The following CD200R1 variants were observed in gnomAD, a reference collection of about 807,000 sequenced individuals.
CD200R1 encodes the protein cell surface glycoprotein CD200 receptor 1.
A neutral mutation model predicts 38.1 loss-of-function variants in CD200R1; 30 were observed. The ratio of observed to expected loss-of-function variants is 0.79; its 90% confidence interval spans 0.59 to 1.07. The LOEUF (loss-of-function observed/expected upper bound fraction) is 1.07, where lower values mean the gene tolerates loss of function less well. Among genes scored for constraint, CD200R1 ranks in the 50% least tolerant of loss-of-function variants. The pLI is 0.00. For missense variants in CD200R1, 372 were observed against 415.4 expected (o/e 0.90, Z 0.91); for synonymous variants, 128 against 152.1 (o/e 0.84, Z 1.16).
intron 1 of CD200R1, among the ~76,000 whole-genome samples, chr3:112,951,081 C>T (rs973278464): frequency 2.0e-4 from 31 of 151,932 alleles, no homozygotes; most frequent in African/African-American, 7.5e-4. Flanking sequence ...AAATCAAAAG[C>T]TAGTTCTTTA....
intron 1 of CD200R1, among the ~76,000 whole-genome samples, chr3:112,951,292 G>A (rs1940964718): frequency 6.6e-6 from 1 of 151,930 alleles, no homozygotes; most frequent in South Asian, 2.1e-4. Context: ...TGAAGACAAA[G>A]CTTTTGAAAC....
intron 1 of CD200R1, among the ~76,000 whole-genome samples, chr3:112,963,315 A>G (rs1447153493): frequency 6.6e-6 from 1 of 152,224 alleles, no homozygotes; most frequent in Non-Finnish European, 1.5e-5. Context: ...TAGAGGTTGG[A>G]ACAGTTTGGA....
At chr3:112,942,741 G>T (rs1021526753) in intron 2 of CD200R1, among the ~76,000 whole-genome samples, 25 of 150,054 alleles carry the variant, frequency 1.7e-4, no homozygotes, top group African/African-American at 2.7e-4. Flanking sequence ...AATCTAAAGA[G>T]ATATATATAT....
At position 112,925,179 on chromosome 3, in the gene CD200R1, T is replaced by C; in HGVS notation, c.784A>G (p.Lys262Glu). 2.5e-6 allele frequency: 4 copies of C among 1,574,404 alleles called. No homozygotes were observed. Among genetic ancestry groups the C allele is most frequent in the Non-Finnish European group, 3.5e-6 (4 of 1,145,888 alleles). The change falls in exon 6 of 8, where the codon AAA (lysine) becomes GAA (glutamate). Residue 262 changes from lysine (K) to glutamate (E), a missense_variant. Transcript: ENST00000308611. ...IELLPVPGAK[K>E]SAKLYIPYII... ...TATGGAATATATAATTTTGCTGATTTTTTGGCACCTGGAACTATAGACACA... is the reference window on the plus strand; with the variant it reads ...TATGGAATATATAATTTTGCTGATTCTTTGGCACCTGGAACTATAGACACA...
At position 112,975,063 on chromosome 3, in the gene CD200R1, GC is replaced by G; in HGVS notation, c.-207del. ...TGGTTAGTAACTTGGACGAACAGAA[GC>G]TTTTCTCTGGAACTTGACACAGCAA... On this transcript the variant is annotated 5_prime_UTR_variant, in exon 1 of 8. Coordinates refer to ENST00000308611, the MANE Select transcript of CD200R1 (RefSeq NM_138806.4). 1.8e-6 allele frequency: 1 copy of G among 554,640 alleles called. No homozygotes were observed. Among genetic ancestry groups the G allele is most frequent in the Non-Finnish European group, 3.2e-6 (1 of 309,658 alleles). The allele number at this position is 554,640 out of a possible 1,614,324, so 34.4% of individuals were successfully genotyped here.
intron 7 of CD200R1, 136 bp downstream of exon 7, chr3:112,924,354 C>T (rs1940235419): frequency 4.3e-6 from 2 of 467,314 alleles, no homozygotes; most frequent in East Asian, 8.6e-5. Flanking sequence ...AGTAATCACA[C>T]ATATAAGCAC....
intron 2 of CD200R1, among the ~76,000 whole-genome samples, chr3:112,933,127 A>C (rs540281210): frequency 1.3e-5 from 2 of 152,288 alleles, no homozygotes; most frequent in South Asian, 4.1e-4. Context: ...CCAGGGCCTA[A>C]GAAATAATCT....
intron 1 of CD200R1, among the ~76,000 whole-genome samples, chr3:112,948,423 A>G (rs189833975): frequency 1.3e-5 from 2 of 152,318 alleles, no homozygotes; most frequent in East Asian, 3.9e-4. Context: ...TTTTTCCACC[A>G]CGGACAAGGA....
At chr3:112,959,553 A>G (rs1332507446) in intron 1 of CD200R1, among the ~76,000 whole-genome samples, 1 of 152,110 alleles carries the variant, frequency 6.6e-6, no homozygotes, top group African/African-American at 2.4e-5. Context: ...CTGTGATTTA[A>G]ATTTTAATGA....
At chr3:112,932,679 G>A (rs1336208857) in intron 2 of CD200R1, among the ~76,000 whole-genome samples, 1 of 152,018 alleles carries the variant, frequency 6.6e-6, no homozygotes, top group Non-Finnish European at 1.5e-5. Flanking sequence ...ACTGTCAAGG[G>A]TGTCGCTCCC....
chr3:112,931,958 C>A (rs568627912), intron 2 of CD200R1, among the ~76,000 whole-genome samples: 1 of 152,204 alleles, frequency 6.6e-6, no homozygotes, highest in South Asian at 2.1e-4. Context: ...CTTCCTCTTG[C>A]AGGGAAAACA....
intron 1 of CD200R1, among the ~76,000 whole-genome samples, chr3:112,972,616 G>A (rs1933337670): frequency 6.6e-6 from 1 of 152,172 alleles, no homozygotes; most frequent in Non-Finnish European, 1.5e-5. Context: ...ACAAGGCTGG[G>A]AATATAGCTC....
intron 1 of CD200R1, 22 bp downstream of exon 1, chr3:112,974,769 C>T (rs2107353658): frequency 6.5e-7 from 1 of 1,539,974 alleles, no homozygotes; most frequent in Non-Finnish European, 9.0e-7. Flanking sequence ...TCACTGTTCT[C>T]CCAAAGAGAA....
At chr3:112,953,988 G>A in intron 1 of CD200R1, among the ~76,000 whole-genome samples, 1 of 151,432 alleles carries the variant, frequency 6.6e-6, no homozygotes, top group East Asian at 1.9e-4. Flanking sequence ...TACTAATTTT[G>A]GGCTCAGTTT....
intron 2 of CD200R1, among the ~76,000 whole-genome samples, chr3:112,942,327 T>C (rs891357356): frequency 2.6e-5 from 4 of 151,580 alleles, no homozygotes; most frequent in African/African-American, 9.7e-5. Context: ...AGGAAGGAAC[T>C]AGGACTATTT....
chr3:112,969,216 G>A (rs1933239667), intron 1 of CD200R1, among the ~76,000 whole-genome samples: 1 of 152,012 alleles, frequency 6.6e-6, no homozygotes. Context: ...ATGAAGAGGA[G>A]AAAGGAAATT....
chr3:112,925,337 C>T (rs1384670666), intron 5 of CD200R1, 144 bp from the exon 6 acceptor site: 3 of 555,216 alleles, frequency 5.4e-6, no homozygotes, highest in Non-Finnish European at 3.2e-6. Context: ...GTGAAACATG[C>T]CAATCTGGAA....
chr3:112,946,526 A>C (rs1392096597), intron 2 of CD200R1, among the ~76,000 whole-genome samples: 4 of 152,244 alleles, frequency 2.6e-5, no homozygotes, highest in African/African-American at 9.6e-5. Context: ...GCACTTTACC[A>C]AAGAAGATAT....
chr3:112,965,911 G>T (rs1166509907), intron 1 of CD200R1, among the ~76,000 whole-genome samples: 1 of 152,092 alleles, frequency 6.6e-6, no homozygotes, highest in African/African-American at 2.4e-5. Context: ...AAGCAGGTTT[G>T]CTTTTAAAGA....
Sources: gnomAD v4.1 joint callset for allele counts (sites outside exome capture counted in the v4.1 genomes callset) on GRCh38, gnomAD v4.1.1 for gene constraint, MANE v1.5 for transcripts, NCBI Gene and HGNC (gene_info 2026-07-23, HGNC 2026-07-21) for gene names.